Variants in HNF4G observed in about 807,000 individuals in gnomAD.
HNF4G encodes hepatocyte nuclear factor 4-gamma.
Under a neutral mutation model 50.9 loss-of-function variants are expected in HNF4G, and 21 were observed. That is an observed-to-expected ratio of 0.41 (90% confidence interval 0.29 to 0.59). The LOEUF (loss-of-function observed/expected upper bound fraction) is 0.59. Among genes scored for constraint, HNF4G ranks in the 20% least tolerant of loss-of-function variants. HNF4G has a pLI of 0.26. For missense variants in HNF4G, 527 were observed against 559.4 expected, an observed-to-expected ratio of 0.94 and a Z score of 0.58; for synonymous variants, 198 against 185.6, an observed-to-expected ratio of 1.07 and a Z score of -0.54.
chr8:75,531,573 A>C (rs1454852022), intron 2 of HNF4G, among the ~76,000 whole-genome samples: 1 of 152,082 alleles, frequency 6.6e-6, no homozygotes, highest in East Asian at 1.9e-4. Context: ...TTTCACACTG[A>C]ACTTAAACAC....
intron 1 of HNF4G, among the ~76,000 whole-genome samples, chr8:75,467,509 A>G (rs117372950): frequency 6.6e-6 from 1 of 152,132 alleles, no homozygotes; most frequent in African/African-American, 2.4e-5. Flanking sequence ...AAATACAAAA[A>G]ATCAGCTGAG....
chr8:75,490,850 A>G (rs1297815691), intron 2 of HNF4G, among the ~76,000 whole-genome samples: 1 of 152,248 alleles, frequency 6.6e-6, no homozygotes, highest in African/African-American at 2.4e-5. Flanking sequence ...ATATACTCAC[A>G]TATAAAATAC....
At chr8:75,546,295 AC>A (rs1459936600) in intron 2 of HNF4G, among the ~76,000 whole-genome samples, 1 of 152,094 alleles carries the variant, frequency 6.6e-6, no homozygotes, top group African/African-American at 2.4e-5. Flanking sequence ...AATTAATGTT[AC>A]TTAACACCCC....
chr8:75,484,183 T>C (rs1812445220), intron 1 of HNF4G, among the ~76,000 whole-genome samples: 1 of 152,212 alleles, frequency 6.6e-6, no homozygotes, highest in Admixed American at 6.5e-5. Context: ...TCAGCATTTC[T>C]TTAAATAGAA....
chr8:75,498,272 G>C (rs1156908668), intron 2 of HNF4G, among the ~76,000 whole-genome samples: 1 of 151,918 alleles, frequency 6.6e-6, no homozygotes, highest in African/African-American at 2.4e-5. Flanking sequence ...AGTCCACTAG[G>C]AACAGTAAAG....
At chr8:75,557,898 G>A (rs1366853037) in intron 6 of HNF4G, among the ~76,000 whole-genome samples, 1 of 152,226 alleles carries the variant, frequency 6.6e-6, no homozygotes, top group Admixed American at 6.5e-5. Flanking sequence ...TTAGGGAATA[G>A]GTGGTCCAGC....
chr8:75,496,369 T>A (rs1429544710), intron 2 of HNF4G, among the ~76,000 whole-genome samples: 1 of 151,752 alleles, frequency 6.6e-6, no homozygotes, highest in Non-Finnish European at 1.5e-5. Context: ...ATATAATATA[T>A]TTTTTTTCAA....
At chr8:75,475,789 A>G (rs1390853238) in intron 1 of HNF4G, among the ~76,000 whole-genome samples, 3 of 152,162 alleles carry the variant, frequency 2.0e-5, no homozygotes, top group African/African-American at 7.2e-5. Context: ...TTCATTTATA[A>G]TAAACCATAG....
rs532214865 is a variant in HNF4G, at chr8:75,493,548, TA to T, written c.-24+3348del. 4.3e-4 allele frequency among the ~76,000 whole-genome samples: 65 copies of T among 152,128 alleles called. 1 individual carries two copies. In the East Asian group the frequency reaches 7.5e-3, roughly 18 times the overall value. ...ATAATAAAATGCTAGTTGGAAAAGT[TA>T]AAAAAAATTGTTTATAATGTTAAGT... On this transcript the variant is annotated intron_variant, in intron 2 of 10. Coordinates refer to the HNF4G transcript ENST00000354370.
intron 1 of HNF4G, among the ~76,000 whole-genome samples, chr8:75,426,552 G>A (rs868377382): frequency 1.2e-4 from 18 of 152,138 alleles, no homozygotes; most frequent in Middle Eastern, 6.8e-3. Context: ...AGGGTGTGCC[G>A]GCAATAAATA....
At chr8:75,470,084 C>G (rs113624671) in intron 1 of HNF4G, among the ~76,000 whole-genome samples, 5,667 of 152,226 alleles carry the variant, frequency 0.037, 130 homozygotes, top group South Asian at 0.056. Flanking sequence ...ACCTACATTG[C>G]CTTCTCCACT....
At chr8:75,559,151 C>G (rs1263874999) in intron 8 of HNF4G, 114 bp downstream of exon 8, 2 of 752,842 alleles carry the variant, frequency 2.7e-6, no homozygotes, top group Admixed American at 4.2e-5. Context: ...CTGTGATGCT[C>G]CTGAATTTTT....
At chr8:75,559,688 T>C (rs1189066150) in intron 8 of HNF4G, among the ~76,000 whole-genome samples, 1 of 152,126 alleles carries the variant, frequency 6.6e-6, no homozygotes, top group Non-Finnish European at 1.5e-5. Context: ...TTATGACCTC[T>C]TCAAATATAT....
At chr8:75,420,438 G>T (rs1006509097) in intron 1 of HNF4G, among the ~76,000 whole-genome samples, 1 of 152,220 alleles carries the variant, frequency 6.6e-6, no homozygotes, top group Non-Finnish European at 1.5e-5. Context: ...GGTGTTTGAC[G>T]TTCCGGCCTC....
intron 2 of HNF4G, among the ~76,000 whole-genome samples, chr8:75,523,229 A>G (rs921535919): frequency 6.6e-6 from 1 of 152,110 alleles, no homozygotes; most frequent in East Asian, 1.9e-4. Context: ...GTCTGAAAAA[A>G]AAGAAAAAAA....
intron 2 of HNF4G, among the ~76,000 whole-genome samples, chr8:75,533,489 T>A (rs565757209): frequency 5.3e-4 from 81 of 152,106 alleles, no homozygotes; most frequent in African/African-American, 1.9e-3. Context: ...CAATTCCAGG[T>A]TTCTTACTTG....
intron 1 of HNF4G, among the ~76,000 whole-genome samples, chr8:75,541,875 G>A (rs1484041130): frequency 2.0e-5 from 3 of 151,998 alleles, no homozygotes; most frequent in Non-Finnish European, 4.4e-5. Flanking sequence ...GGAAAACAGA[G>A]GACTAAATAA....
chr8:75,513,150 G>A (rs1032702598), intron 2 of HNF4G, among the ~76,000 whole-genome samples: 1 of 151,948 alleles, frequency 6.6e-6, no homozygotes, highest in Non-Finnish European at 1.5e-5. Context: ...CGATTCTCCT[G>A]CCTCAGCCTC....
Position 75,560,428 on chromosome 8 carries a change from T to C in HNF4G, c.1208T>C (p.Leu403Ser), listed in dbSNP as rs578070113. The change falls in exon 9 of 10, where the codon TTA (leucine) becomes TCA (serine). Residue 403 changes from leucine (L) to serine (S), a missense_variant. Leu to Ser is a moderately radical substitution (Grantham distance 145, BLOSUM62 -2). Around this residue, in one of 5 missense-constraint regions of HNF4G, gnomAD observed 308 missense variants for 301.5 expected, o/e 1.02. Coordinates refer to ENST00000396423, the MANE Select transcript of HNF4G (RefSeq NM_004133.5). ...QDPLTGQTIL[L>S]GPMSTLVHAD... ...CCATTAACTGGACAAACTATACTTTTAGGTCCCATGTCAACACTGGTTCAT... is the reference window on the plus strand; with the variant it reads ...CCATTAACTGGACAAACTATACTTTCAGGTCCCATGTCAACACTGGTTCAT... 4 of 1,613,360 alleles carry C rather than the reference T, an allele frequency of 2.5e-6. No individual in the cohort carries two copies. The highest frequency in any genetic ancestry group is 2.2e-5 in the East Asian group (1 of 44,842).
Sources: gnomAD v4.1 joint callset for allele counts (sites outside exome capture counted in the v4.1 genomes callset) on GRCh38, gnomAD v4.1.1 for gene constraint, gnomAD v4.1.1 regional missense constraint, MANE v1.5 for transcripts, NCBI Gene and HGNC (gene_info 2026-07-23, HGNC 2026-07-21) for gene names.